The following C2orf76 variants were observed in gnomAD, a reference collection of about 807,000 sequenced individuals.
C2orf76 encodes UPF0538 protein C2orf76.
In C2orf76, 23 loss-of-function variants were observed where a neutral mutation model predicts 16.9. The observed-to-expected ratio is 1.36, with a 90% CI of 0.98 to 1.93. The LOEUF (loss-of-function observed/expected upper bound fraction) is 1.93, where lower values mean the gene tolerates loss of function less well. C2orf76 is among the 30% of genes most tolerant of loss of function. The pLI, the probability that C2orf76 is intolerant of heterozygous loss-of-function variation, is 0.00. For synonymous variants in C2orf76, 48 were observed against 52.3 expected (o/e 0.92, Z 0.35); for missense variants, 152 against 152.6 (o/e 1.00, Z 0.02).
At chr2:119,301,678 C>T (rs1345285290), downstream of C2orf76, among the ~76,000 whole-genome samples, 6 of 152,098 alleles carry the variant, frequency 3.9e-5, no homozygotes, top group Admixed American at 3.3e-4. Flanking sequence ...CAGGTGCTGG[C>T]GGTCAGCCAT....
At chr2:119,294,765 G>A in the C2orf76 span, among the ~76,000 whole-genome samples, 2 of 152,158 alleles carry the variant, frequency 1.3e-5, no homozygotes, top group Admixed American at 6.5e-5. Flanking sequence ...GACCGACAGC[G>A]TGGCCAGTCA....
downstream of C2orf76, among the ~76,000 whole-genome samples, chr2:119,300,386 G>T (rs7424214): frequency 0.25 from 37,408 of 152,054 alleles, 4,898 homozygotes; most frequent in Middle Eastern, 0.35. Context: ...TGCTGACAAA[G>T]CTCACTTTCT....
intron 1 of C2orf76, among the ~76,000 whole-genome samples, chr2:119,363,248 C>T (rs1680802663): frequency 1.3e-5 from 2 of 152,044 alleles, no homozygotes; most frequent in Admixed American, 1.3e-4. Flanking sequence ...CACAGTGAAA[C>T]CCCGTCTCTA....
intron 2 of C2orf76, among the ~76,000 whole-genome samples, chr2:119,336,099 A>C (rs1385422007): frequency 6.6e-6 from 1 of 152,188 alleles, no homozygotes; most frequent in Non-Finnish European, 1.5e-5. Flanking sequence ...TATTTGATTA[A>C]TATCCATTTC....
intron 2 of C2orf76, among the ~76,000 whole-genome samples, chr2:119,336,812 TAGCACTC>T (rs1679860908): frequency 6.6e-6 from 1 of 152,288 alleles, no homozygotes; most frequent in South Asian, 2.1e-4. Context: ...ACAATCTCTT[TAGCACTC>T]AGCACTCAAA....
At chr2:119,345,523 T>C (rs771234156) in intron 1 of C2orf76, among the ~76,000 whole-genome samples, 19 of 152,234 alleles carry the variant, frequency 1.2e-4, no homozygotes, top group African/African-American at 1.2e-4. Context: ...AAGAGAATCA[T>C]ATCAATTATT....
At chr2:119,349,466 G>A (rs908475113) in intron 1 of C2orf76, among the ~76,000 whole-genome samples, 8 of 152,206 alleles carry the variant, frequency 5.3e-5, no homozygotes, top group African/African-American at 1.9e-4. Flanking sequence ...CCAGAAGCAG[G>A]TCACACGCCC....
intron 4 of C2orf76, among the ~76,000 whole-genome samples, chr2:119,317,237 G>A (rs536938821): frequency 2.6e-4 from 40 of 151,964 alleles, no homozygotes; most frequent in Non-Finnish European, 4.6e-4. Flanking sequence ...ACAAAATATG[G>A]TATACTTTTT....
At chr2:119,360,009 CATTGTTAGCTTATTT>C (rs1400034372) in intron 1 of C2orf76, among the ~76,000 whole-genome samples, 1 of 152,210 alleles carries the variant, frequency 6.6e-6, no homozygotes, top group Non-Finnish European at 1.5e-5. Flanking sequence ...CAACAAACAT[CATTGTTAGCTTATTT>C]TAACAAATTG....
chr2:119,307,070 C>T (rs1429935402), intron 5 of C2orf76, among the ~76,000 whole-genome samples: 1 of 152,022 alleles, frequency 6.6e-6, no homozygotes, highest in Non-Finnish European at 1.5e-5. Flanking sequence ...ACAGAGATGA[C>T]TTCGAATTTT....
At chr2:119,311,321 A>G in intron 5 of C2orf76, 36 of 985,460 alleles carry the variant, frequency 3.7e-5, no homozygotes, top group Non-Finnish European at 4.3e-5. Flanking sequence ...CAATGATAAG[A>G]GTAAGTAGAC....
intron 1 of C2orf76, among the ~76,000 whole-genome samples, chr2:119,357,439 A>G (rs2104645245): frequency 6.6e-6 from 1 of 152,304 alleles, no homozygotes; most frequent in East Asian, 1.9e-4. Context: ...CAAATTAACA[A>G]CCTAAAGAAA....
rs1328869228 is a variant in C2orf76 at position 119,302,315 on chromosome 2, A to AAG, written c.*156_*157insCT. 1.3e-4 allele frequency: 36 copies of AAG among 278,648 alleles called. No individual in the cohort carries two copies. The African/African-American group carries it at 2.4e-3, about 18-fold the overall frequency. The allele number at this position is 278,648 out of a possible 1,614,324, so 17.3% of individuals were successfully genotyped here. A position where few individuals can be genotyped will look rare whatever the true frequency, so the allele number is the denominator to read the frequency against. On this transcript the variant is annotated 3_prime_UTR_variant, in exon 6 of 6. Coordinates refer to ENST00000334816, the MANE Select transcript of C2orf76 (RefSeq NM_001322331.2). ...TACAACAACAAAGAAAAAGAAAGAG[A>AAG]GAAGGAAAGACCTGAAGAGAAAGAA...
downstream of C2orf76, among the ~76,000 whole-genome samples, chr2:119,301,076 AACACACACACAC>A (rs57577702): frequency 1.4e-5 from 2 of 146,140 alleles, no homozygotes; most frequent in Non-Finnish European, 3.0e-5. Flanking sequence ...ACTTCTTAAA[AACACACACACAC>A]ACACACACAC....
intron 1 of C2orf76, among the ~76,000 whole-genome samples, chr2:119,345,984 G>A (rs536436787): frequency 6.7e-6 from 1 of 149,538 alleles, no homozygotes; most frequent in Non-Finnish European, 1.5e-5. Context: ...GAACCTGGGA[G>A]GCAGAGCTTG....
chr2:119,294,742 G>T, the C2orf76 span, among the ~76,000 whole-genome samples: 1 of 152,270 alleles, frequency 6.6e-6, no homozygotes, highest in African/African-American at 2.4e-5. Flanking sequence ...CCTGACTGCA[G>T]CTCAGCAGCC....
intron 1 of C2orf76, among the ~76,000 whole-genome samples, chr2:119,354,695 C>T (rs2104639283): frequency 6.6e-6 from 1 of 152,236 alleles, no homozygotes; most frequent in East Asian, 1.9e-4. Context: ...ACTGACAGAA[C>T]TTTTGAGAAA....
At chr2:119,300,103 C>T (rs919941234), downstream of C2orf76, among the ~76,000 whole-genome samples, 1 of 152,236 alleles carries the variant, frequency 6.6e-6, no homozygotes, top group Non-Finnish European at 1.5e-5. Context: ...TTGCACATGA[C>T]TGCATTCTCT....
chr2:119,296,318 C>A, the C2orf76 span, among the ~76,000 whole-genome samples: 7 of 152,154 alleles, frequency 4.6e-5, no homozygotes, highest in African/African-American at 1.7e-4. Flanking sequence ...CTACTCTGAG[C>A]AATCATGAGA....
Sources: allele counts gnomAD v4.1 joint callset (sites outside exome capture counted in the v4.1 genomes callset), GRCh38; gene constraint gnomAD v4.1.1; transcripts MANE v1.5; gene names NCBI Gene and HGNC (gene_info 2026-07-23, HGNC 2026-07-21).